RNF2: variants seen among roughly 807,000 people sequenced by gnomAD.
RNF2 encodes E3 ubiquitin-protein ligase RING2.
In RNF2, 6 loss-of-function variants were observed where a neutral mutation model predicts 37.2. The ratio of observed to expected loss-of-function variants is 0.16; its 90% CI spans 0.09 to 0.32. The LOEUF is 0.32. Ranked by LOEUF, RNF2 falls within the 10% of genes least tolerant of loss-of-function variation. The pLI, the probability that RNF2 is intolerant of heterozygous loss-of-function variation, is 1.00. For missense variants in RNF2, 251 were observed against 404.0 expected (o/e 0.62, Z 3.25); for synonymous variants, 133 against 132.7 (o/e 1.00, Z -0.02).
chr1:185,088,940 A>G (rs906072387), intron 2 of RNF2, among the ~76,000 whole-genome samples: 1 of 151,772 alleles, frequency 6.6e-6, no homozygotes, highest in Non-Finnish European at 1.5e-5. Context: ...AATCCATGCA[A>G]ATGAGGTGCT....
At chr1:185,096,212 C>T (rs1292030254) in intron 4 of RNF2, among the ~76,000 whole-genome samples, 2 of 151,974 alleles carry the variant, frequency 1.3e-5, no homozygotes, top group East Asian at 3.9e-4. Context: ...AATTTTTTGT[C>T]CCATTATTTT....
chr1:185,095,030 A>G (rs1434590832), intron 4 of RNF2, among the ~76,000 whole-genome samples: 1 of 152,202 alleles, frequency 6.6e-6, no homozygotes, highest in Non-Finnish European at 1.5e-5. Context: ...AGTGTAGTCA[A>G]GATCAAAAAC....
In RNF2 at chr1:185,065,561, A is replaced by G. The variant is rs148472951; in HGVS notation, c.-3+19912A>G. 9.5e-4 allele frequency among the ~76,000 whole-genome samples: 144 copies of G among 152,292 alleles called. No homozygotes were observed. In the South Asian group the frequency reaches 0.017, roughly 18 times the overall value. On this transcript the variant is annotated intron_variant, in intron 1 of 6. Transcript: ENST00000367510. ...GACCATGAACCCACCAGGAGGGCCA[A>G]ACAACTCCAGACGCGCCACCTTTAA...
intron 1 of RNF2, among the ~76,000 whole-genome samples, chr1:185,080,044 G>T (rs559383823): frequency 3.3e-5 from 5 of 152,160 alleles, no homozygotes; most frequent in Non-Finnish European, 7.4e-5. Flanking sequence ...TAGGCTGTTG[G>T]GATCTAGGGA....
intron 1 of RNF2, among the ~76,000 whole-genome samples, chr1:185,049,532 C>T (rs1172495524): frequency 1.3e-5 from 2 of 152,078 alleles, no homozygotes; most frequent in Non-Finnish European, 2.9e-5. Context: ...TTACTTTCCC[C>T]TTCAGTGAAG....
rs1231884371 is a variant in RNF2, at chr1:185,102,182, T to G, written c.*1881T>G. 1.3e-5 allele frequency: 2 copies of G among 152,450 alleles called. No homozygotes were observed. Among genetic ancestry groups the G allele is most frequent in the Non-Finnish European group, 2.9e-5 (2 of 67,998 alleles). 9.4% of individuals were successfully genotyped at this position (152,450 alleles called of 1,614,324 possible). On this transcript the variant is annotated 3_prime_UTR_variant, in exon 7 of 7. Transcript: ENST00000367510. Reference sequence around the variant, plus strand: ...TAAACTGCATCATTAGTGAAATTATTGGTTGTGTAATCCTTTGTGAAATAT... The same window carrying G: ...TAAACTGCATCATTAGTGAAATTATGGGTTGTGTAATCCTTTGTGAAATAT...
Position 185,098,226 on chromosome 1 carries a change from C to T in RNF2, c.619C>T (p.Leu207Phe). The change falls in exon 5 of 7, where the codon CTT (leucine) becomes TTT (phenylalanine). Residue 207 changes from leucine (L) to phenylalanine (F), a missense_variant. Physicochemically the swap from Leu to Phe is conservative, Grantham distance 22. Coordinates refer to ENST00000367510, the MANE Select transcript of RNF2 (RefSeq NM_007212.4). The part of the protein sequence containing the change: ...TKTSDDSGLE[L>F]DNNNAAMAID... ...AACATCTGATGATTCTGGGCTAGAGCTTGATAATAACAATGCAGCAATGGC... is the reference window on the plus strand; with the variant it reads ...AACATCTGATGATTCTGGGCTAGAGTTTGATAATAACAATGCAGCAATGGC... The T allele has an allele frequency of 6.2e-7, 1 of 1,614,166 alleles. No individual in the cohort carries two copies. Among genetic ancestry groups the T allele is most frequent in the Non-Finnish European group, 8.5e-7 (1 of 1,180,018 alleles).
In RNF2 at chr1:185,097,297, C is replaced by T. The variant is rs559449018; in HGVS notation, c.465-775C>T. Among the ~76,000 whole-genome samples, 7 of 152,166 alleles carry T rather than the reference C, an allele frequency of 4.6e-5. No homozygotes were observed. In the South Asian group the frequency reaches 1.4e-3, roughly 32 times the overall value. On this transcript the variant is annotated intron_variant, in intron 4 of 6. Transcript: ENST00000367510. The stretch of plus-strand genomic sequence containing the variant: ...GTTATTTAGATACCATCGCATTTTC[C>T]TCAGTCATTTTGTATCGCCTTAGCT...
In RNF2 at chr1:185,087,431, C is replaced by G. The variant is rs1297305591; in HGVS notation, c.-2-121C>G. ...TGATCACCTCCCAAAGTCCCCACCT[C>G]TTAATATTACTTCATTGAGATTAGA... On this transcript the variant is annotated intron_variant, in intron 1 of 6. Transcript: ENST00000367510. 36 of 777,626 alleles carry G rather than the reference C, an allele frequency of 4.6e-5. 1 individual carries two copies. Among genetic ancestry groups the G allele is most frequent in the Non-Finnish European group, 7.4e-5 (34 of 458,126 alleles). 48.2% of individuals were successfully genotyped at this position (777,626 alleles called of 1,614,324 possible).
intron 6 of RNF2, 47 bp downstream of exon 6, chr1:185,100,009 CAACT>C (rs777655898): frequency 1.7e-5 from 26 of 1,536,524 alleles, no homozygotes; most frequent in South Asian, 2.4e-5. Context: ...GCACACTGAC[CAACT>C]AACTGAGTGG....
chr1:185,096,417 T>C (rs563399706), intron 4 of RNF2, among the ~76,000 whole-genome samples: 6 of 152,312 alleles, frequency 3.9e-5, no homozygotes, highest in African/African-American at 1.2e-4. Context: ...TCTTATAAAA[T>C]TGAAACCCTG....
chr1:185,084,386 T>A (rs1202863886), intron 1 of RNF2, among the ~76,000 whole-genome samples: 1 of 152,134 alleles, frequency 6.6e-6, no homozygotes, highest in Non-Finnish European at 1.5e-5. Flanking sequence ...CATTTAGGAT[T>A]TTTGGGGAGG....
chr1:185,081,306 T>A (rs1479482049), intron 1 of RNF2, among the ~76,000 whole-genome samples: 1 of 152,140 alleles, frequency 6.6e-6, no homozygotes, highest in Non-Finnish European at 1.5e-5. Context: ...CTGCAAAAAG[T>A]TGTCAAGATG....
chr1:185,096,982 C>T (rs1254930969), intron 4 of RNF2, among the ~76,000 whole-genome samples: 1 of 151,724 alleles, frequency 6.6e-6, no homozygotes. Context: ...TTATATATTC[C>T]TTTTTTCTTA....
chr1:185,081,341 C>T (rs571474010), intron 1 of RNF2, among the ~76,000 whole-genome samples: 5 of 151,434 alleles, frequency 3.3e-5, no homozygotes, highest in South Asian at 2.1e-4. Flanking sequence ...AGTTGGTTGG[C>T]GAGAGGTCCG....
At chr1:185,073,461 GC>G (rs1391524184) in intron 1 of RNF2, among the ~76,000 whole-genome samples, 24 of 152,250 alleles carry the variant, frequency 1.6e-4, no homozygotes, top group Admixed American at 8.5e-4. Context: ...GAGATACTTA[GC>G]AATTTTTAGA....
chr1:185,086,352 A>G (rs1233644514), intron 1 of RNF2, among the ~76,000 whole-genome samples: 3 of 152,070 alleles, frequency 2.0e-5, no homozygotes, highest in Non-Finnish European at 4.4e-5. Context: ...TGTGTCCCAC[A>G]AGAGTGAGTT....
chr1:185,045,619 C>G lies in RNF2; in HGVS notation c.-33C>G, dbSNP rs1325565402. 1 of 152,268 alleles carries G rather than the reference C, an allele frequency of 6.6e-6. No homozygotes were observed. Among genetic ancestry groups the G allele is most frequent in the Non-Finnish European group, 1.5e-5 (1 of 68,130 alleles). 9.4% of individuals were successfully genotyped at this position (152,268 alleles called of 1,614,324 possible). A position where few individuals can be genotyped will look rare whatever the true frequency, so the allele number is the denominator to read the frequency against. ...TACCAGAGTCTTGCTCCGGCCGCGG[C>G]CAGCGGAGCCCTGGGCTGGGGCAGG... On this transcript the variant is annotated 5_prime_UTR_variant, in exon 1 of 7. Coordinates refer to ENST00000367510, the MANE Select transcript of RNF2 (RefSeq NM_007212.4).
At chr1:185,080,456 A>G in intron 1 of RNF2, among the ~76,000 whole-genome samples, 1 of 152,210 alleles carries the variant, frequency 6.6e-6, no homozygotes, top group Non-Finnish European at 1.5e-5. Context: ...CTAATTCTCA[A>G]GAGTATATCT....
Sources: allele counts gnomAD v4.1 joint callset (sites outside exome capture counted in the v4.1 genomes callset), GRCh38; gene constraint gnomAD v4.1.1; transcripts MANE v1.5; gene names NCBI Gene and HGNC (gene_info 2026-07-23, HGNC 2026-07-21).